TEAD2: variants seen among roughly 807,000 people sequenced by gnomAD.
The protein encoded by TEAD2 is transcriptional enhancer factor TEF-4.
In TEAD2, 51 loss-of-function variants were observed where a neutral mutation model predicts 61.4. The observed-to-expected ratio is 0.83, with a 90% CI of 0.66 to 1.05. The LOEUF (loss-of-function observed/expected upper bound fraction) is 1.05. Among genes scored for constraint, TEAD2 ranks in the 50% least tolerant of loss-of-function variants. The probability of loss-of-function intolerance (pLI) is 0.00; values close to 1 mark genes in which losing one functional copy is unlikely to be tolerated. For synonymous variants in TEAD2, 244 were observed against 243.2 expected (o/e 1.00, Z -0.03); for missense variants, 509 against 600.0 (o/e 0.85, Z 1.58).
intron 7 of TEAD2, among the ~76,000 whole-genome samples, chr19:49,351,748 G>A (rs769652705): frequency 5.3e-5 from 8 of 152,094 alleles, no homozygotes; most frequent in Admixed American, 1.3e-4. Context: ...CACTTCAGGA[G>A]GTTGAGGCGG....
At position 49,346,925 on chromosome 19, in the gene TEAD2, C is replaced by T. The variant is rs143754787; in HGVS notation, c.921+265G>A. Among the ~76,000 whole-genome samples the T allele has an allele frequency of 4.4e-3, 663 of 152,298 alleles. 9 individuals carry two copies. Among genetic ancestry groups the T allele is most frequent in the Middle Eastern group, 3.4e-3 (1 of 294 alleles). On this transcript the variant is annotated intron_variant, in intron 10 of 12. Coordinates refer to ENST00000593945, the MANE Select transcript of TEAD2 (RefSeq NM_001256660.2). Reference sequence around the variant, plus strand: ...CCCATGCCCAGGACCCTATTAGCTACATGGCCAGGTAACTCACCGTATTAG... The same window carrying T: ...CCCATGCCCAGGACCCTATTAGCTATATGGCCAGGTAACTCACCGTATTAG...
At chr19:49,350,999 T>C (rs1309132045) in intron 8 of TEAD2, among the ~76,000 whole-genome samples, 1 of 151,750 alleles carries the variant, frequency 6.6e-6, no homozygotes, top group Non-Finnish European at 1.5e-5. Context: ...GTCAACATGG[T>C]GAAACCCGAT....
intron 7 of TEAD2, among the ~76,000 whole-genome samples, chr19:49,354,059 A>T (rs1303237392): frequency 3.3e-5 from 5 of 150,498 alleles, no homozygotes; most frequent in Non-Finnish European, 5.9e-5. Context: ...CAGCCTCCCA[A>T]AGTGCTGGGA....
rs767220739 is a variant in TEAD2, at chr19:49,341,476, G to T, written c.1243-39C>A. 6.5e-7 allele frequency: 1 copy of T among 1,549,176 alleles called. No homozygotes were observed. Among genetic ancestry groups the T allele is most frequent in the Admixed American group, 1.7e-5 (1 of 59,576 alleles). On this transcript the variant is annotated intron_variant, in intron 12 of 12. Coordinates refer to ENST00000593945, the MANE Select transcript of TEAD2 (RefSeq NM_001256660.2). This position sits in a 1 kb window ranked among gnomAD's most constrained non-coding sequence, Gnocchi z 4.2. ...CAGGACAAGGGACTTATGCTTAGAA[G>T]GGAGGGCAGGGACCCCTGTGCCCCC... is the stretch of plus-strand genomic sequence containing the variant.
rs1972690022 is a variant in TEAD2 at position 49,359,745 on chromosome 19, A to G, written c.232+99T>C. ...GTGCCTCAGTTTCCTCATCTGTGCA[A>G]ATGGTGATGCTAGCTCCTACTTCAG... On this transcript the variant is annotated intron_variant, in intron 2 of 12. Coordinates refer to ENST00000593945, the MANE Select transcript of TEAD2 (RefSeq NM_001256660.2). The surrounding 1 kb of genome is among the most constrained non-coding windows in gnomAD (Gnocchi z 4.1). 1.8e-5 allele frequency: 23 copies of G among 1,287,062 alleles called. No homozygotes were observed. Among genetic ancestry groups the G allele is most frequent in the Non-Finnish European group, 2.2e-5 (20 of 910,290 alleles). 79.7% of individuals were successfully genotyped at this position (1,287,062 alleles called of 1,614,324 possible).
intron 7 of TEAD2, 145 bp downstream of exon 7, chr19:49,355,003 A>G (rs1864143): frequency 0.39 from 249,835 of 637,910 alleles, 51,141 homozygotes; most frequent in Admixed American, 0.52. Flanking sequence ...CTCCATGTCA[A>G]TAAATACATA....
At position 49,355,326 on chromosome 19, in the gene TEAD2, G is replaced by C; in HGVS notation, c.466C>G (p.Pro156Ala). ...SAPSLQAKLG[P>A]TGPQASELFQ... ...ACCTGGACCACCTGAGGACCAGTGG[G>C]ACCCAGTTTGGCCTGCAGAGAAGGC... The change falls in exon 6 of 13, where the codon CCC (proline) becomes GCC (alanine). Residue 156 changes from proline (P) to alanine (A), a missense_variant. By Grantham distance (27) the Pro-to-Ala change is conservative. Coordinates refer to ENST00000593945, the MANE Select transcript of TEAD2 (RefSeq NM_001256660.2). 2 of 1,614,196 alleles carry C rather than the reference G, an allele frequency of 1.2e-6. No homozygotes were observed. The highest frequency in any genetic ancestry group is 2.2e-5 in the South Asian group (2 of 91,078).
At chr19:49,351,248 A>C in intron 8 of TEAD2, 53 bp downstream of exon 8, 2 of 1,527,126 alleles carry the variant, frequency 1.3e-6, no homozygotes, top group Non-Finnish European at 1.8e-6. Context: ...GAAAGGCAGT[A>C]GGGGTCGAAG....
chr19:49,351,946 A>G (rs1972051901), intron 7 of TEAD2, among the ~76,000 whole-genome samples: 2 of 151,988 alleles, frequency 1.3e-5, no homozygotes, highest in Non-Finnish European at 2.9e-5. Context: ...AGATTACGCC[A>G]TTATACTCCT....
rs1299854747 is a variant in TEAD2 at position 49,343,140 on chromosome 19, ATG to A, written c.1089+89_1089+90del. The A allele has an allele frequency of 5.3e-3, 7,648 of 1,450,250 alleles. 171 individuals carry two copies. In the African/African-American group the frequency reaches 0.06, roughly 11 times the overall value. 89.8% of individuals were successfully genotyped at this position (1,450,250 alleles called of 1,614,324 possible). On this transcript the variant is annotated intron_variant, in intron 11 of 12. Transcript: ENST00000593945. ...AAAGAGGCTGGGACCCACTCCCTCC[ATG>A]CATACTCCCAAATGCCTGAGTCATG...
At chr19:49,360,324 G>C (rs1972756174) in intron 1 of TEAD2, 1 of 535,514 alleles carries the variant, frequency 1.9e-6, no homozygotes, top group East Asian at 3.0e-5. Flanking sequence ...ACTGAGGGAG[G>C]AGGATCTGGG....
At chr19:49,361,693 A>G (rs986086986) in intron 1 of TEAD2, 1 of 152,212 alleles carries the variant, frequency 6.6e-6, no homozygotes, top group Admixed American at 6.6e-5. Flanking sequence ...AACTTTTTCC[A>G]ATACAGTCAG....
Position 49,359,934 on chromosome 19 carries a change from C to T in TEAD2, c.142G>A (p.Asp48Asn), listed in dbSNP as rs1277691200. 1 of 1,612,674 alleles carries T rather than the reference C, an allele frequency of 6.2e-7. No individual in the cohort carries two copies. Among genetic ancestry groups the T allele is most frequent in the South Asian group, 1.1e-5 (1 of 91,084 alleles). ...GCCTCCTGGAAGCTCTGCTCAATGT[C>T]TGGGCTCCACACCCCCTCTGCATCC... ...GPDAEGVWSPDIEQSFQEALA... is the reference protein window; with the variant it reads ...GPDAEGVWSPNIEQSFQEALA... The change falls in exon 2 of 13, where the codon GAC becomes AAC. Residue 48 changes from aspartate (D) to asparagine (N), a missense_variant. By Grantham distance (23) the Asp-to-Asn change is conservative. Transcript: ENST00000593945. The surrounding 1 kb of genome is among the most constrained non-coding windows in gnomAD (Gnocchi z 4.1).
At chr19:49,355,842 G>T in intron 5 of TEAD2, 117 bp downstream of exon 5, 1 of 995,720 alleles carries the variant, frequency 1.0e-6, no homozygotes, top group African/African-American at 1.7e-5. Flanking sequence ...GAAAAAAAAA[G>T]GCAAAGGCTT....
At chr19:49,348,658 CTA>C (rs1971803112) in intron 9 of TEAD2, 43 bp downstream of exon 9, 1 of 1,525,874 alleles carries the variant, frequency 6.6e-7, no homozygotes, top group African/African-American at 1.4e-5. Flanking sequence ...CTGTCACCCT[CTA>C]TATTTCAAAA....
intron 10 of TEAD2, 56 bp from the exon 11 acceptor site, chr19:49,343,454 G>C: frequency 6.5e-7 from 1 of 1,529,638 alleles, no homozygotes; most frequent in Non-Finnish European, 8.7e-7. Flanking sequence ...TAAACAGTGG[G>C]GACTACCAGG....
Position 49,341,653 on chromosome 19 carries a change from G to A in TEAD2, c.1243-216C>T, listed in dbSNP as rs1971273570. Among the ~76,000 whole-genome samples the A allele has an allele frequency of 6.6e-6, 1 of 152,132 alleles. No homozygotes were observed. Among genetic ancestry groups the A allele is most frequent in the African/African-American group, 2.4e-5 (1 of 41,444 alleles). The stretch of plus-strand genomic sequence containing the variant: ...CCTCAGCTGAGCGTTGGCAGTTATG[G>A]TGTATCACATCTCAGGGTTAATCGG... On this transcript the variant is annotated intron_variant, in intron 12 of 12. Transcript: ENST00000593945. The surrounding 1 kb of genome is among the most constrained non-coding windows in gnomAD (Gnocchi z 4.2).
chr19:49,348,570 ATC>A (rs1256931825), intron 9 of TEAD2, 131 bp downstream of exon 9: 7 of 868,970 alleles, frequency 8.1e-6, no homozygotes, highest in Admixed American at 6.1e-5. Context: ...TCAGAAAGCA[ATC>A]TCTGTTTTAA....
chr19:49,341,240 C>T lies in TEAD2; in HGVS notation c.*84G>A. On this transcript the variant is annotated 3_prime_UTR_variant, in exon 13 of 13. Transcript: ENST00000593945. This position sits in a 1 kb window ranked among gnomAD's most constrained non-coding sequence, Gnocchi z 4.2. ...ACCCCTTTACATCACAGCCCTCTCC[C>T]CAAATAAGAAGCATGAGGTGAGCTG... is the stretch of plus-strand genomic sequence containing the variant. 1 of 1,191,928 alleles carries T rather than the reference C, an allele frequency of 8.4e-7. No individual in the cohort carries two copies. Among genetic ancestry groups the T allele is most frequent in the Non-Finnish European group, 1.2e-6 (1 of 805,678 alleles). The allele number at this position is 1,191,928 out of a possible 1,614,324, so 73.8% of individuals were successfully genotyped here. A position where few individuals can be genotyped will look rare whatever the true frequency, so the allele number is the denominator to read the frequency against.
Sources: gnomAD v4.1 joint callset for allele counts (sites outside exome capture counted in the v4.1 genomes callset) on GRCh38, gnomAD v4.1.1 for gene constraint, Gnocchi (gnomAD v3.1) non-coding constraint, MANE v1.5 for transcripts, NCBI Gene and HGNC (gene_info 2026-07-23, HGNC 2026-07-21) for gene names.